FTCDNL1: variants seen among roughly 807,000 people sequenced by gnomAD.
FTCDNL1 encodes formiminotransferase N-terminal subdomain-containing protein.
Under a neutral mutation model 5.9 loss-of-function variants are expected in FTCDNL1, and 11 were observed. The ratio of observed to expected loss-of-function variants is 1.87; its 90% CI spans 1.18 to 3.10. The LOEUF is 3.10. Ranked by LOEUF, FTCDNL1 falls within the 30% of genes most tolerant of loss-of-function variation. The probability of loss-of-function intolerance (pLI) is 0.00; values close to 1 mark genes in which losing one functional copy is unlikely to be tolerated. For synonymous variants in FTCDNL1, 58 were observed against 24.8 expected (o/e 2.34, Z -3.99); for missense variants, 115 against 65.5 (o/e 1.76, Z -2.61).
downstream of FTCDNL1, among the ~76,000 whole-genome samples, chr2:199,807,843 A>G (rs1019612316): frequency 6.6e-6 from 1 of 152,200 alleles, no homozygotes; most frequent in African/African-American, 2.4e-5. Flanking sequence ...AAATTTGCCA[A>G]CATTTTATTT....
At chr2:199,740,989 C>A in the FTCDNL1 span, among the ~76,000 whole-genome samples, 1 of 152,176 alleles carries the variant, frequency 6.6e-6, no homozygotes, top group Non-Finnish European at 1.5e-5. Flanking sequence ...TCAGGCAGTC[C>A]TTCACAGATC....
the FTCDNL1 span, among the ~76,000 whole-genome samples, chr2:199,724,463 A>T: frequency 1.3e-5 from 2 of 151,570 alleles, no homozygotes; most frequent in African/African-American, 2.4e-5. Context: ...TAGTTCTTTT[A>T]GTTGTGACAT....
chr2:199,695,589 C>G, the FTCDNL1 span, among the ~76,000 whole-genome samples: 1 of 152,298 alleles, frequency 6.6e-6, no homozygotes, highest in South Asian at 2.1e-4. Flanking sequence ...GGTTGCCGAG[C>G]ACCAGGACTC....
At chr2:199,679,060 A>C in the FTCDNL1 span, among the ~76,000 whole-genome samples, 2 of 152,224 alleles carry the variant, frequency 1.3e-5, no homozygotes, top group Admixed American at 1.3e-4. Context: ...TTGAATGAGG[A>C]CCCATCTTAC....
chr2:199,758,665 A>G (rs1380357391), downstream of FTCDNL1, among the ~76,000 whole-genome samples: 3 of 152,216 alleles, frequency 2.0e-5, no homozygotes, highest in African/African-American at 7.2e-5. Flanking sequence ...ATTGATACCC[A>G]TAACAGCTGC....
At chr2:199,765,241 G>A (rs1698458801) in intron 3 of FTCDNL1, among the ~76,000 whole-genome samples, 1 of 151,892 alleles carries the variant, frequency 6.6e-6, no homozygotes. Flanking sequence ...GAATGTTAAC[G>A]ATGAACTTGA....
chr2:199,778,791 T>C (rs930950396), intron 3 of FTCDNL1, among the ~76,000 whole-genome samples: 1 of 152,212 alleles, frequency 6.6e-6, no homozygotes, highest in Admixed American at 6.5e-5. Flanking sequence ...AAAATAAACA[T>C]GTTCATTGCT....
chr2:199,701,468 A>G, the FTCDNL1 span, among the ~76,000 whole-genome samples: 1 of 152,112 alleles, frequency 6.6e-6, no homozygotes, highest in Non-Finnish European at 1.5e-5. Flanking sequence ...TATTGGAATT[A>G]AAGGAATATA....
At chr2:199,744,580 C>A in the FTCDNL1 span, among the ~76,000 whole-genome samples, 1 of 152,204 alleles carries the variant, frequency 6.6e-6, no homozygotes, top group Non-Finnish European at 1.5e-5. Flanking sequence ...AGGCTTCCAG[C>A]CTCCAGAACT....
chr2:199,768,721 T>C (rs16831977), intron 3 of FTCDNL1, among the ~76,000 whole-genome samples: 4,171 of 152,192 alleles, frequency 0.027, 186 homozygotes, highest in African/African-American at 0.095. Flanking sequence ...AAATGGAGCA[T>C]TGGAGGCCTA....
Position 199,844,697 on chromosome 2 carries a change from C to G in FTCDNL1, c.211+1378G>C, listed in dbSNP as rs2076682413. ...CAAAATCTAACCTTTCCCCTCACCC[C>G]ACCTCCCAATAGTCATAAAACTTGA... On this transcript the variant is annotated intron_variant, in intron 3 of 4. Coordinates refer to ENST00000420128, the MANE Select transcript of FTCDNL1 (RefSeq NM_001363886.2). 1.3e-5 allele frequency among the ~76,000 whole-genome samples: 2 copies of G among 152,162 alleles called. 1 individual carries two copies. The highest frequency in any genetic ancestry group is 4.1e-4 in the South Asian group (2 of 4,828).
chr2:199,731,250 C>T, the FTCDNL1 span, among the ~76,000 whole-genome samples: 1 of 152,118 alleles, frequency 6.6e-6, no homozygotes, highest in Admixed American at 6.5e-5. Flanking sequence ...ACATGTGGGG[C>T]TTAAAACCTA....
the FTCDNL1 span, among the ~76,000 whole-genome samples, chr2:199,712,094 C>T: frequency 2.0e-5 from 3 of 151,986 alleles, no homozygotes; most frequent in African/African-American, 7.3e-5. Flanking sequence ...TCTGAATGCA[C>T]GTATTGGTCA....
At chr2:199,766,866 G>T (rs147523133) in intron 3 of FTCDNL1, among the ~76,000 whole-genome samples, 443 of 152,118 alleles carry the variant, frequency 2.9e-3, no homozygotes, top group South Asian at 0.012. Context: ...CTTCCTCTTG[G>T]TGTCTAGACA....
At chr2:199,767,538 C>A (rs1162525217) in intron 3 of FTCDNL1, among the ~76,000 whole-genome samples, 3 of 152,116 alleles carry the variant, frequency 2.0e-5, no homozygotes, top group Non-Finnish European at 4.4e-5. Flanking sequence ...GGAATGTAAA[C>A]CCCAAGGTGA....
the FTCDNL1 span, among the ~76,000 whole-genome samples, chr2:199,754,699 AGAGTGAATCCTGT>A: frequency 6.6e-6 from 1 of 152,124 alleles, no homozygotes; most frequent in Non-Finnish European, 1.5e-5. Flanking sequence ...TCTTCCCACA[AGAGTGAATCCTGT>A]GAACGTTGTT....
At chr2:199,843,438 C>T (rs193004246) in intron 3 of FTCDNL1, among the ~76,000 whole-genome samples, 2 of 152,268 alleles carry the variant, frequency 1.3e-5, no homozygotes, top group Non-Finnish European at 2.9e-5. Context: ...TCCCCACCCC[C>T]CCATGCTGAA....
At chr2:199,750,956 T>C in the FTCDNL1 span, among the ~76,000 whole-genome samples, 1 of 152,238 alleles carries the variant, frequency 6.6e-6, no homozygotes. Flanking sequence ...TCCTTTTTCA[T>C]AAGAGCGGGG....
chr2:199,841,301 C>T (rs1462399589), intron 3 of FTCDNL1, among the ~76,000 whole-genome samples: 3 of 151,588 alleles, frequency 2.0e-5, no homozygotes, highest in South Asian at 2.1e-4. Context: ...ACAGGAGAAT[C>T]GCTTGAACAC....
Sources: allele counts gnomAD v4.1 joint callset (sites outside exome capture counted in the v4.1 genomes callset), GRCh38; gene constraint gnomAD v4.1.1; transcripts MANE v1.5; gene names NCBI Gene and HGNC (gene_info 2026-07-23, HGNC 2026-07-21).